Variants in AK9 observed in about 807,000 individuals in gnomAD.
AK9 encodes the protein adenylate kinase 9, also known as adenylate kinase domain containing 1.
AK9 carries 191 observed loss-of-function variants against 239.6 expected under a neutral mutation model. That is an observed-to-expected ratio of 0.80 (90% CI 0.71 to 0.90). The LOEUF (loss-of-function observed/expected upper bound fraction) is 0.90. AK9 is among the 40% of genes least tolerant of loss of function. The pLI is 0.00. For synonymous variants in AK9, 689 were observed against 721.0 expected (o/e 0.96, Z 0.71); for missense variants, 1,995 against 2,214.7 (o/e 0.90, Z 1.99).
At chr6:109,674,287 G>A (rs954971904) in intron 2 of AK9, 26 bp from the exon 3 acceptor site, 2 of 1,499,086 alleles carry the variant, frequency 1.3e-6, no homozygotes, top group Non-Finnish European at 1.8e-6. Flanking sequence ...GTTATTTAAA[G>A]CCCAATAGAA....
intron 8 of AK9, among the ~76,000 whole-genome samples, chr6:109,648,206 A>C (rs538011182): frequency 6.6e-6 from 1 of 152,342 alleles, no homozygotes; most frequent in South Asian, 2.1e-4. Context: ...AAACACATTG[A>C]AAAGCTAGCA....
At chr6:109,595,728 A>G (rs976818879) in intron 17 of AK9, among the ~76,000 whole-genome samples, 3 of 152,212 alleles carry the variant, frequency 2.0e-5, no homozygotes, top group African/African-American at 7.2e-5. Flanking sequence ...GGAAACCATC[A>G]TTCTCAGCAA....
rs138100005 is a variant in AK9 at position 109,639,245 on chromosome 6, T to C, written c.933+2273A>G. 4.6e-5 allele frequency among the ~76,000 whole-genome samples: 7 copies of C among 152,164 alleles called. No individual in the cohort carries two copies. The East Asian group carries it at 1.2e-3, about 25-fold the overall frequency. ...TCACCGCACTGTCTTCCACAATGGT[T>C]GAACTAATCTACACTCCCACCAACG... On this transcript the variant is annotated intron_variant, in intron 10 of 40. Coordinates refer to ENST00000424296, the MANE Select transcript of AK9 (RefSeq NM_001145128.3).
chr6:109,494,220 C>A, intron 39 of AK9, 125 bp from the exon 40 acceptor site: 1 of 574,300 alleles, frequency 1.7e-6, no homozygotes, highest in Non-Finnish European at 3.1e-6. Context: ...GGGGATGGGG[C>A]TTATAAATAT....
At chr6:109,670,518 T>G (rs1057243252) in intron 5 of AK9, among the ~76,000 whole-genome samples, 1 of 152,186 alleles carries the variant, frequency 6.6e-6, no homozygotes, top group Admixed American at 6.5e-5. Flanking sequence ...CTCCCTACTT[T>G]TGTTTGAACT....
chr6:109,547,442 A>G (rs896266051), intron 25 of AK9, among the ~76,000 whole-genome samples: 1 of 152,226 alleles, frequency 6.6e-6, no homozygotes, highest in African/African-American at 2.4e-5. Flanking sequence ...AATACGTGGA[A>G]GAAAGGATGG....
At chr6:109,578,337 G>A (rs1439929946) in intron 20 of AK9, among the ~76,000 whole-genome samples, 2 of 152,070 alleles carry the variant, frequency 1.3e-5, no homozygotes, top group African/African-American at 4.8e-5. Flanking sequence ...CCAAAGTGCT[G>A]GGATTACAGG....
chr6:109,545,954 A>C lies in AK9; in HGVS notation c.3138T>G (p.Ser1046=). 3 of 1,614,204 alleles carry C rather than the reference A, an allele frequency of 1.9e-6. No homozygotes were observed. Among genetic ancestry groups the C allele is most frequent in the Non-Finnish European group, 2.5e-6 (3 of 1,180,026 alleles). ...KKVGPEFEED[S]ENEQAAKQEL... Reference sequence around the variant, plus strand: ...CTTGTTTGGCAGCTTGCTCGTTCTCAGAATCTTCCTCAAATTCAGGTCCCA... The same window carrying C: ...CTTGTTTGGCAGCTTGCTCGTTCTCCGAATCTTCCTCAAATTCAGGTCCCA... Residue 1046 remains serine (S), a synonymous_variant, in exon 26 of 41, where the codon TCT becomes TCG. Coordinates refer to ENST00000424296, the MANE Select transcript of AK9 (RefSeq NM_001145128.3).
intron 17 of AK9, among the ~76,000 whole-genome samples, chr6:109,598,462 C>T (rs1206206407): frequency 1.3e-5 from 2 of 152,122 alleles, no homozygotes; most frequent in Non-Finnish European, 2.9e-5. Context: ...TTTTCTTAAT[C>T]CAGTCTATCA....
intron 17 of AK9, among the ~76,000 whole-genome samples, chr6:109,603,211 C>G (rs946255348): frequency 3.3e-5 from 5 of 152,036 alleles, no homozygotes; most frequent in Non-Finnish European, 7.4e-5. Context: ...TTTTATCTAC[C>G]TTTGGTCTTT....
At chr6:109,539,042 C>T (rs963876871) in intron 27 of AK9, among the ~76,000 whole-genome samples, 3 of 152,042 alleles carry the variant, frequency 2.0e-5, no homozygotes, top group East Asian at 1.9e-4. Flanking sequence ...TTAAAATTTT[C>T]TCCTTCATTT....
At chr6:109,636,047 G>C (rs1009218381) in intron 10 of AK9, among the ~76,000 whole-genome samples, 1 of 152,132 alleles carries the variant, frequency 6.6e-6, no homozygotes, top group Non-Finnish European at 1.5e-5. Flanking sequence ...ATTGAATAAA[G>C]GGCAGCAAGG....
chr6:109,561,796 A>G (rs578149346), intron 24 of AK9, among the ~76,000 whole-genome samples: 104 of 152,274 alleles, frequency 6.8e-4, no homozygotes, highest in Middle Eastern at 3.4e-3. Flanking sequence ...GTGCTATTAT[A>G]ATATTTTCTT....
At chr6:109,593,806 A>G (rs1790618484) in intron 17 of AK9, among the ~76,000 whole-genome samples, 1 of 152,186 alleles carries the variant, frequency 6.6e-6, no homozygotes, top group African/African-American at 2.4e-5. Context: ...CTTCAACAAA[A>G]TTCAACACCC....
chr6:109,680,153 C>T (rs1022300385), intron 1 of AK9, among the ~76,000 whole-genome samples: 1 of 152,116 alleles, frequency 6.6e-6, no homozygotes, highest in African/African-American at 2.4e-5. Flanking sequence ...TAACAAACTC[C>T]TCCGAGCTAA....
intron 24 of AK9, among the ~76,000 whole-genome samples, chr6:109,560,937 T>A (rs980631806): frequency 6.6e-6 from 1 of 152,150 alleles, no homozygotes; most frequent in African/African-American, 2.4e-5. Context: ...AACAGAGTCT[T>A]CAGTTTGCCT....
rs142991721 is a variant in AK9 at position 109,632,401 on chromosome 6, T to A, written c.1254+522A>T. On this transcript the variant is annotated intron_variant, in intron 12 of 40. Coordinates refer to ENST00000424296, the MANE Select transcript of AK9 (RefSeq NM_001145128.3). ...CTTTCAGCTTTGTCTTCAAATTATATCCCAAATATGCTTGTTTCATACCAC... is the reference window on the plus strand; with the variant it reads ...CTTTCAGCTTTGTCTTCAAATTATAACCCAAATATGCTTGTTTCATACCAC... 1.6e-5 allele frequency: 13 copies of A among 796,508 alleles called. No individual in the cohort carries two copies. In the African/African-American group the frequency reaches 2.2e-4, roughly 14 times the overall value. The allele number at this position is 796,508 out of a possible 1,614,324, so 49.3% of individuals were successfully genotyped here.
chr6:109,632,195 G>C, intron 12 of AK9: 1 of 985,440 alleles, frequency 1.0e-6, no homozygotes, highest in Non-Finnish European at 1.2e-6. Context: ...AAAGCAAATA[G>C]AAAATGATAC....
At chr6:109,508,859 T>C (rs1778385844) in intron 33 of AK9, among the ~76,000 whole-genome samples, 1 of 152,168 alleles carries the variant, frequency 6.6e-6, no homozygotes, top group African/African-American at 2.4e-5. Flanking sequence ...CATAACTTCA[T>C]GGGGCAGTGA....
Sources: allele counts gnomAD v4.1 joint callset (sites outside exome capture counted in the v4.1 genomes callset), GRCh38; gene constraint gnomAD v4.1.1; transcripts MANE v1.5; gene names NCBI Gene and HGNC (gene_info 2026-07-23, HGNC 2026-07-21).